FGF14: variants seen among roughly 807,000 people sequenced by gnomAD.
FGF14 encodes fibroblast growth factor homologous factor 4.
In FGF14, 5 loss-of-function variants were observed where a neutral mutation model predicts 25.5. The ratio of observed to expected loss-of-function variants is 0.20; its 90% CI spans 0.10 to 0.41. The LOEUF is 0.41. FGF14 is among the 10% of genes least tolerant of loss of function. The pLI is 1.00. For synonymous variants in FGF14, 138 were observed against 118.3 expected (o/e 1.17, Z -1.08); for missense variants, 222 against 320.1 (o/e 0.69, Z 2.34).
At chr13:102,219,753 T>A (rs114669582) in intron 1 of FGF14, among the ~76,000 whole-genome samples, 2,056 of 152,254 alleles carry the variant, frequency 0.014, 48 homozygotes, top group African/African-American at 0.046. Flanking sequence ...TAATGACAAT[T>A]GAAAGGCAAA....
At position 101,721,553 on chromosome 13, in the gene FGF14, T is replaced by TCAGTACC. The variant is rs1464204480; in HGVS notation, c.*1277_*1278insGGTACTG. On this transcript the variant is annotated 3_prime_UTR_variant, in exon 5 of 5. Transcript: ENST00000376143. Reference sequence around the variant, plus strand: ...CAGATGCTGAGCTAGAGGCATGTACTGGTGAAATACACAGTACCGGACTCA... The same window carrying TCAGTACC: ...CAGATGCTGAGCTAGAGGCATGTACTCAGTACCGGTGAAATACACAGTACCGGACTCA... 1.3e-5 allele frequency: 2 copies of TCAGTACC among 152,138 alleles called. No homozygotes were observed. The highest frequency in any genetic ancestry group is 4.8e-5 in the African/African-American group (2 of 41,438). 9.4% of individuals were successfully genotyped at this position (152,138 alleles called of 1,614,324 possible).
chr13:101,912,374 T>C (rs774592115), intron 1 of FGF14, among the ~76,000 whole-genome samples: 10 of 152,162 alleles, frequency 6.6e-5, no homozygotes, highest in Non-Finnish European at 8.8e-5. Context: ...AACAACTGCA[T>C]TAGCAGCCAT....
chr13:101,726,869 C>A, intron 3 of FGF14, 59 bp from the exon 4 acceptor site: 2 of 1,297,186 alleles, frequency 1.5e-6, no homozygotes, highest in Admixed American at 3.9e-5. Context: ...ACTGTACATT[C>A]TACTCATTCT....
rs2036971097 is a variant in FGF14 at position 101,963,159 on chromosome 13, G to A, written c.209-87863C>T. ...TTATTTTAATCCAAATACTTAAGGA[G>A]AGAATGAAATGTTGGTTTCTTTTCT... is the stretch of plus-strand genomic sequence containing the variant. On this transcript the variant is annotated intron_variant, in intron 1 of 4. Coordinates refer to the FGF14 transcript ENST00000376131. Among the ~76,000 whole-genome samples, 3 of 152,348 alleles carry A rather than the reference G, an allele frequency of 2.0e-5. No individual in the cohort carries two copies. In the South Asian group the frequency reaches 6.2e-4, roughly 32 times the overall value.
intron 1 of FGF14, among the ~76,000 whole-genome samples, chr13:102,219,122 T>A (rs2140949312): frequency 6.6e-6 from 1 of 152,338 alleles, no homozygotes; most frequent in African/African-American, 2.4e-5. Context: ...AAATCTACAA[T>A]AAATTACTGT....
intron 3 of FGF14, among the ~76,000 whole-genome samples, chr13:101,825,791 G>A (rs879425998): frequency 5.3e-5 from 8 of 152,106 alleles, no homozygotes; most frequent in African/African-American, 1.4e-4. Context: ...TTGTAAGGTG[G>A]TCATGCACTT....
At chr13:102,118,033 A>T (rs1049186748) in intron 1 of FGF14, among the ~76,000 whole-genome samples, 1 of 152,180 alleles carries the variant, frequency 6.6e-6, no homozygotes, top group African/African-American at 2.4e-5. Flanking sequence ...TGTATGCCAA[A>T]TTGGTACCCA....
At chr13:101,980,921 C>G (rs1224957192) in intron 1 of FGF14, among the ~76,000 whole-genome samples, 1 of 152,138 alleles carries the variant, frequency 6.6e-6, no homozygotes, top group Non-Finnish European at 1.5e-5. Flanking sequence ...ATTCCACCCT[C>G]CTCAACGGAG....
chr13:101,918,101 C>G (rs1376875410), upstream of FGF14, among the ~76,000 whole-genome samples: 1 of 123,222 alleles, frequency 8.1e-6, no homozygotes, highest in African/African-American at 5.3e-5. Context: ...GGCGTCTCCT[C>G]CCCCTTGATT....
chr13:102,370,310 A>G (rs778467401), intron 1 of FGF14, among the ~76,000 whole-genome samples: 5 of 152,194 alleles, frequency 3.3e-5, no homozygotes, highest in South Asian at 2.1e-4. Context: ...AATTCTATTG[A>G]CACATTAAAA....
At position 101,794,511 on chromosome 13, in the gene FGF14, C is replaced by T. The variant is rs1413075155; in HGVS notation, c.409-67701G>A. On this transcript the variant is annotated intron_variant, in intron 3 of 4. Transcript: ENST00000376143. ...GCCAAATCGCAAGCATTTTGATACA[C>T]GAACTAATATCACAGACAGGGCTTC... Among the ~76,000 whole-genome samples the T allele has an allele frequency of 2.0e-5, 3 of 152,156 alleles. No individual in the cohort carries two copies. The East Asian group carries it at 5.8e-4, about 29-fold the overall frequency.
intron 1 of FGF14, among the ~76,000 whole-genome samples, chr13:101,976,556 C>T (rs2037939024): frequency 6.6e-6 from 1 of 152,056 alleles, no homozygotes; most frequent in African/African-American, 2.4e-5. Context: ...GTGAGCTAGC[C>T]CCCAATAGGT....
chr13:101,889,233 A>AT (rs113348998), intron 1 of FGF14, among the ~76,000 whole-genome samples: 5,824 of 152,210 alleles, frequency 0.038, 396 homozygotes, highest in African/African-American at 0.13. Flanking sequence ...AGGAATTGCC[A>AT]TTTAAAAAAA....
intron 1 of FGF14, among the ~76,000 whole-genome samples, chr13:102,289,206 T>G (rs1216082447): frequency 6.6e-6 from 1 of 152,178 alleles, no homozygotes; most frequent in Non-Finnish European, 1.5e-5. Flanking sequence ...CAAAAAGTGA[T>G]GAAGGTTTTA....
intron 1 of FGF14, among the ~76,000 whole-genome samples, chr13:101,893,859 C>A (rs1448770885): frequency 6.6e-6 from 1 of 152,154 alleles, no homozygotes; most frequent in Admixed American, 6.5e-5. Flanking sequence ...TTTGTAATGA[C>A]TTATTGTTAC....
chr13:101,892,196 A>T (rs2029871743), intron 1 of FGF14, among the ~76,000 whole-genome samples: 1 of 152,138 alleles, frequency 6.6e-6, no homozygotes, highest in Non-Finnish European at 1.5e-5. Context: ...TGATTATTTA[A>T]AAATGTGTCC....
intron 3 of FGF14, among the ~76,000 whole-genome samples, chr13:101,819,956 C>T (rs2140229532): frequency 6.6e-6 from 1 of 152,278 alleles, no homozygotes; most frequent in South Asian, 2.1e-4. Context: ...TGAGCCTCAA[C>T]ATTATACTCA....
At chr13:102,318,600 C>A (rs547600734) in intron 1 of FGF14, among the ~76,000 whole-genome samples, 2 of 152,294 alleles carry the variant, frequency 1.3e-5, no homozygotes, top group Admixed American at 6.5e-5. Context: ...TCTTCTTCTT[C>A]GACTGGCATT....
chr13:101,994,180 G>A (rs1179186132), intron 1 of FGF14, among the ~76,000 whole-genome samples: 1 of 151,914 alleles, frequency 6.6e-6, no homozygotes, highest in African/African-American at 2.4e-5. Flanking sequence ...TAAAGATAAA[G>A]AGAACAAACT....
Sources: gnomAD v4.1 joint callset for allele counts (sites outside exome capture counted in the v4.1 genomes callset) on GRCh38, gnomAD v4.1.1 for gene constraint, MANE v1.5 for transcripts, NCBI Gene and HGNC (gene_info 2026-07-23, HGNC 2026-07-21) for gene names.